Variants in GRIN2B observed in about 807,000 individuals in gnomAD.
The protein encoded by GRIN2B is glutamate ionotropic receptor NMDA type subunit 2B, also known as glutamate receptor ionotropic, NMDA 2B.
GRIN2B carries 5 observed loss-of-function variants against 114.5 expected under a neutral mutation model. That is an observed-to-expected ratio of 0.04 (90% confidence interval 0.02 to 0.09). The LOEUF is 0.09. Among genes scored for constraint, GRIN2B ranks in the 10% least tolerant of loss-of-function variants. The probability of loss-of-function intolerance (pLI) is 1.00; values close to 1 mark genes in which losing one functional copy is unlikely to be tolerated. For synonymous variants in GRIN2B, 787 were observed against 745.1 expected (o/e 1.06, Z -0.92); for missense variants, 1,108 against 1,943.5 (o/e 0.57, Z 8.08).
At chr12:13,898,298 TTGAG>T (rs1351937394) in intron 2 of GRIN2B, among the ~76,000 whole-genome samples, 5 of 152,324 alleles carry the variant, frequency 3.3e-5, no homozygotes, top group African/African-American at 1.2e-4. Context: ...ATGTCATTTA[TTGAG>T]TATTTAAGTA....
chr12:13,825,496 T>TTTTTTTTTTTGTGTGTG (rs375940899), intron 3 of GRIN2B, among the ~76,000 whole-genome samples: 1 of 122,994 alleles, frequency 8.1e-6, no homozygotes, highest in African/African-American at 3.1e-5. Context: ...TATATATATT[T>TTTTTTTTTTTGTGTGTG]TGTGTGTGTG....
At chr12:13,897,654 A>G (rs1866375204) in intron 2 of GRIN2B, among the ~76,000 whole-genome samples, 1 of 152,188 alleles carries the variant, frequency 6.6e-6, no homozygotes, top group African/African-American at 2.4e-5. Context: ...ATTCCCCGCT[A>G]GAAAATAAGA....
At chr12:13,613,442 G>A (rs186000220) in intron 8 of GRIN2B, among the ~76,000 whole-genome samples, 1 of 152,230 alleles carries the variant, frequency 6.6e-6, no homozygotes, top group Admixed American at 6.5e-5. Flanking sequence ...AGGACTGAGA[G>A]GTCAAGGTTC....
At chr12:13,891,093 A>G (rs951164120) in intron 2 of GRIN2B, among the ~76,000 whole-genome samples, 4 of 152,180 alleles carry the variant, frequency 2.6e-5, no homozygotes, top group African/African-American at 7.2e-5. Context: ...TAAATATGTT[A>G]CGTATTTCAT....
chr12:13,910,910 A>ATACCCC lies in GRIN2B; in HGVS notation c.-18-44690_-18-44685dup, dbSNP rs144165936. 7.9e-3 allele frequency among the ~76,000 whole-genome samples: 1,201 copies of ATACCCC among 152,086 alleles called. 19 individuals carry two copies. Among genetic ancestry groups the ATACCCC allele is most frequent in the African/African-American group, 0.028 (1,156 of 41,484 alleles). On this transcript the variant is annotated intron_variant, in intron 2 of 13. Transcript: ENST00000609686. ...ATCTGTCATGCTTGTTTGCATCTCC[A>ATACCCC]TACCCCCGCTTTCACACTGATGGGT...
chr12:13,669,541 C>T (rs1477338550), intron 5 of GRIN2B, among the ~76,000 whole-genome samples: 1 of 152,118 alleles, frequency 6.6e-6, no homozygotes, highest in Non-Finnish European at 1.5e-5. Flanking sequence ...TAGATGCCTT[C>T]TGTAGAGCCT....
intron 2 of GRIN2B, among the ~76,000 whole-genome samples, chr12:13,960,413 C>T: frequency 6.6e-6 from 1 of 152,146 alleles, no homozygotes; most frequent in Non-Finnish European, 1.5e-5. Context: ...AACGTGGCAG[C>T]TTCAGGCAGT....
chr12:13,600,463 T>G (rs1437635738), intron 10 of GRIN2B, among the ~76,000 whole-genome samples: 2 of 151,992 alleles, frequency 1.3e-5, no homozygotes, highest in Non-Finnish European at 2.9e-5. Context: ...TCTTGGTACC[T>G]TTATGTAGTC....
intron 4 of GRIN2B, among the ~76,000 whole-genome samples, chr12:13,706,508 G>C (rs899249366): frequency 6.6e-6 from 1 of 152,044 alleles, no homozygotes; most frequent in Non-Finnish European, 1.5e-5. Context: ...CCAGGACACC[G>C]ACATGCCTCC....
intron 10 of GRIN2B, among the ~76,000 whole-genome samples, chr12:13,601,689 C>T (rs889660395): frequency 6.6e-6 from 1 of 151,700 alleles, no homozygotes; most frequent in African/African-American, 2.4e-5. Flanking sequence ...AGCAGGTGGT[C>T]GTTCAAGGGA....
At chr12:13,575,638 G>A (rs922518567) in intron 10 of GRIN2B, among the ~76,000 whole-genome samples, 2 of 151,224 alleles carry the variant, frequency 1.3e-5, no homozygotes, top group Non-Finnish European at 2.9e-5. Context: ...CAGCCTGGGT[G>A]ACAGAGCAAG....
Position 13,842,058 on chromosome 12 carries a change from C to G in GRIN2B, c.411+23740G>C, listed in dbSNP as rs577048090. Among the ~76,000 whole-genome samples the G allele has an allele frequency of 1.8e-4, 28 of 152,240 alleles. No individual in the cohort carries two copies. In the South Asian group the frequency reaches 5.6e-3, roughly 30 times the overall value. Reference sequence around the variant, plus strand: ...GCTGTGTGCCTGGAAGGAGCAAAGTCCCCACCAAGACTGGTTCCCTCTTGG... The same window carrying G: ...GCTGTGTGCCTGGAAGGAGCAAAGTGCCCACCAAGACTGGTTCCCTCTTGG... On this transcript the variant is annotated intron_variant, in intron 3 of 13. Transcript: ENST00000609686.
At position 13,894,572 on chromosome 12, in the gene GRIN2B, C is replaced by T. The variant is rs74437822; in HGVS notation, c.-18-28346G>A. On this transcript the variant is annotated intron_variant, in intron 2 of 13. Transcript: ENST00000609686. Reference sequence around the variant, plus strand: ...AGCAGCAATTGTCTTTGTTAGAATTCGAGTGACTTTTTTTTCTGTCAACTT... The same window carrying T: ...AGCAGCAATTGTCTTTGTTAGAATTTGAGTGACTTTTTTTTCTGTCAACTT... Among the ~76,000 whole-genome samples, 1,205 of 152,184 alleles carry T rather than the reference C, an allele frequency of 7.9e-3. 3 individuals are homozygous for T. The highest frequency in any genetic ancestry group is 0.014 in the Middle Eastern group (4 of 294).
intron 3 of GRIN2B, among the ~76,000 whole-genome samples, chr12:13,851,605 A>G (rs1252109255): frequency 6.6e-6 from 1 of 152,196 alleles, no homozygotes; most frequent in Non-Finnish European, 1.5e-5. Context: ...AATAACAATA[A>G]TAAAATAAAA....
intron 2 of GRIN2B, among the ~76,000 whole-genome samples, chr12:13,943,067 G>T (rs957081730): frequency 2.0e-5 from 3 of 152,148 alleles, no homozygotes; most frequent in Admixed American, 2.0e-4. Context: ...GGAATTAGGG[G>T]ACCTGACTTC....
rs138212867 is a variant in GRIN2B, at chr12:13,564,862, AG to A, written c.2599-224del. 3.3e-5 allele frequency among the ~76,000 whole-genome samples: 5 copies of A among 151,924 alleles called. No homozygotes were observed. Among genetic ancestry groups the A allele is most frequent in the South Asian group, 2.1e-4 (1 of 4,808 alleles). Reference sequence around the variant, plus strand: ...CTGAGGTCAGTGACCTGGCCATCAGAGGGGGGGGCATGGCCCCACCCAGTAA... The same window carrying A: ...CTGAGGTCAGTGACCTGGCCATCAGAGGGGGGGCATGGCCCCACCCAGTAA... On this transcript the variant is annotated intron_variant, in intron 13 of 13. Transcript: ENST00000609686. The surrounding 1 kb of genome is among the most constrained non-coding windows in gnomAD (Gnocchi z 4.8).
At chr12:13,764,340 CT>C (rs1185433590) in intron 3 of GRIN2B, among the ~76,000 whole-genome samples, 3 of 152,316 alleles carry the variant, frequency 2.0e-5, no homozygotes, top group African/African-American at 7.2e-5. Flanking sequence ...CTTGTCCCTC[CT>C]TGCTGCAATC....
chr12:13,755,722 T>G (rs1044720728), intron 3 of GRIN2B, among the ~76,000 whole-genome samples: 1 of 152,206 alleles, frequency 6.6e-6, no homozygotes, highest in Admixed American at 6.5e-5. Context: ...GTCGTTAGGT[T>G]AAATAACACA....
At chr12:13,926,951 C>CA (rs1433383174) in intron 2 of GRIN2B, among the ~76,000 whole-genome samples, 3,742 of 59,772 alleles carry the variant, frequency 0.063, 171 homozygotes, top group African/African-American at 0.19. Flanking sequence ...GACTCCGTCT[C>CA]AAAAAAAAGA....
Sources: allele counts gnomAD v4.1 joint callset (sites outside exome capture counted in the v4.1 genomes callset), GRCh38; gene constraint gnomAD v4.1.1; non-coding constraint Gnocchi (gnomAD v3.1); transcripts MANE v1.5; gene names NCBI Gene and HGNC (gene_info 2026-07-23, HGNC 2026-07-21).